The following HOXB7 variants were observed in gnomAD, a reference collection of about 807,000 sequenced individuals.
HOXB7 encodes homeobox protein Hox-B7.
Under a neutral mutation model 19.2 loss-of-function variants are expected in HOXB7, and 11 were observed. That is an observed-to-expected ratio of 0.57 (90% CI 0.36 to 0.95). The LOEUF is 0.95. Ranked by LOEUF, HOXB7 falls within the 40% of genes least tolerant of loss-of-function variation. The pLI is 0.01. For synonymous variants in HOXB7, 141 were observed against 130.2 expected (o/e 1.08, Z -0.56); for missense variants, 318 against 301.1 (o/e 1.06, Z -0.42).
Position 48,610,727 on chromosome 17 carries a change from G to T in HOXB7, c.192C>A (p.Gly64=). 6.3e-7 allele frequency: 1 copy of T among 1,588,256 alleles called. No homozygotes were observed. Among genetic ancestry groups the T allele is most frequent in the Non-Finnish European group, 8.6e-7 (1 of 1,166,022 alleles). ...SMQGLYPGGG[G]MAGQSAAGVY... is the part of the protein sequence containing the mutation. ...CGCCGGCCGCGCTCTGGCCCGCCAT[G>T]CCCCCCCCGCCGGGGTACAAGCCCT... Residue 64 remains glycine, a synonymous_variant, in exon 1 of 2, where the codon GGC becomes GGA. Transcript: ENST00000239165.
chr17:48,610,330 G>A (rs550042512), intron 1 of HOXB7, among the ~76,000 whole-genome samples, 189 bp downstream of exon 1: 2 of 151,938 alleles, frequency 1.3e-5, no homozygotes, highest in East Asian at 2.0e-4. Context: ...GCGAGCCTGA[G>A]AGCACCGAGC....
chr17:48,607,703 G>GTTTTTTTTTTTTTTTTTTTTTTTTT lies in HOXB7; in HGVS notation c.*138_*139insAAAAAAAAAAAAAAAAAAAAAAAAA. 1.6e-6 allele frequency: 1 copy of GTTTTTTTTTTTTTTTTTTTTTTTTT among 627,438 alleles called. No individual in the cohort carries two copies. The allele number at this position is 627,438 out of a possible 1,614,324, so 38.9% of individuals were successfully genotyped here. On this transcript the variant is annotated 3_prime_UTR_variant, in exon 2 of 2. Coordinates refer to ENST00000239165, the MANE Select transcript of HOXB7 (RefSeq NM_004502.4). ...TTTAAACTCCTTTCATTTAAATAGG[G>GTTTTTTTTTTTTTTTTTTTTTTTTT]TTTTTTTTTTGTTTTTTTTGTTTTT... is the stretch of plus-strand genomic sequence containing the variant.
In HOXB7 at chr17:48,608,087, G is replaced by A. The variant is rs200174441; in HGVS notation, c.409C>T (p.Arg137Cys). The change falls in exon 2 of 2, where the codon CGC becomes TGC. Residue 137 changes from arginine to cysteine, a missense_variant. Arg to Cys is a radical substitution (Grantham distance 180, BLOSUM62 -3). Transcript: ENST00000239165. ...GTGTAGGTCTGGCGGCCTCGTTTGCGGTCAGTTCCTGCACACAGTATTCAG... is the reference window on the plus strand; with the variant it reads ...GTGTAGGTCTGGCGGCCTCGTTTGCAGTCAGTTCCTGCACACAGTATTCAG... ...YPWMRSSGTD[R>C]KRGRQTYTRY... 1.9e-6 allele frequency: 3 copies of A among 1,612,506 alleles called. No homozygotes were observed. Among genetic ancestry groups the A allele is most frequent in the East Asian group, 2.2e-5 (1 of 44,776 alleles).
chr17:48,609,736 T>C (rs1253481778), intron 1 of HOXB7, among the ~76,000 whole-genome samples: 2 of 152,094 alleles, frequency 1.3e-5, no homozygotes, highest in Non-Finnish European at 2.9e-5. Flanking sequence ...ACCTCCAAAC[T>C]TGGCCAGTTC....
At position 48,607,893 on chromosome 17, in the gene HOXB7, CG is replaced by C. The variant is rs1567978870; in HGVS notation, c.602del (p.Pro201ArgfsTer41). On this transcript the variant is annotated frameshift_variant, in exon 2 of 2. Transcript: ENST00000239165. LOFTEE classifies it high-confidence loss of function. Reference protein sequence around the residue: ...KWKKENKTAGPGTTGQDRAEA... With the variant: ...KWKKENKTAGXGTTGQDRAEA... The stretch of plus-strand genomic sequence containing the variant: ...CAGCCCTGTCTTGGCCGGTGGTCCC[CG>C]GGCCCGCGGTCTTGTTCTCCTTTTT... 13 of 1,614,094 alleles carry C rather than the reference CG, an allele frequency of 8.1e-6. No individual in the cohort carries two copies. Among genetic ancestry groups the C allele is most frequent in the Non-Finnish European group, 1.1e-5 (13 of 1,180,018 alleles).
chr17:48,610,150 T>G (rs2070628541), intron 1 of HOXB7, among the ~76,000 whole-genome samples: 1 of 152,160 alleles, frequency 6.6e-6, no homozygotes, highest in South Asian at 2.1e-4. Context: ...CCCTAATGGC[T>G]ATTCTCTGCA....
Position 48,607,719 on chromosome 17 carries a change from T to TG in HOXB7, c.*122_*123insC. 1.3e-6 allele frequency: 1 copy of TG among 747,842 alleles called. No individual in the cohort carries two copies. Among genetic ancestry groups the TG allele is most frequent in the Non-Finnish European group, 2.0e-6 (1 of 503,900 alleles). 46.3% of individuals were successfully genotyped at this position (747,842 alleles called of 1,614,324 possible). On this transcript the variant is annotated 3_prime_UTR_variant, in exon 2 of 2. Coordinates refer to ENST00000239165, the MANE Select transcript of HOXB7 (RefSeq NM_004502.4). Reference sequence around the variant, plus strand: ...TTAAATAGGGTTTTTTTTTTGTTTTTTTTGTTTTTTGTTTTGTTTTTTTAC... The same window carrying TG: ...TTAAATAGGGTTTTTTTTTTGTTTTTGTTTGTTTTTTGTTTTGTTTTTTTAC...
rs762166968 is a variant in HOXB7 at position 48,610,695 on chromosome 17, G to C, written c.224C>G (p.Ala75Gly). 1 of 1,576,584 alleles carries C rather than the reference G, an allele frequency of 6.3e-7. No individual in the cohort carries two copies. The highest frequency in any genetic ancestry group is 1.1e-5 in the South Asian group (1 of 88,022). The change falls in exon 1 of 2, where the codon GCG (alanine) becomes GGG (glycine). Residue 75 changes from alanine (A) to glycine (G), a missense_variant. Coordinates refer to ENST00000239165, the MANE Select transcript of HOXB7 (RefSeq NM_004502.4). The stretch of plus-strand genomic sequence containing the variant: ...ACTCGGCTCGAGCCCATAGCCGGCC[G>C]CGTAGACGCCGGCCGCGCTCTGGCC... ...MAGQSAAGVY[A>G]AGYGLEPSSF...
rs1477747847 is a variant in HOXB7, at chr17:48,610,689, C to G, written c.230G>C (p.Gly77Ala). The G allele has an allele frequency of 6.4e-7, 1 of 1,574,100 alleles. No individual in the cohort carries two copies. Among genetic ancestry groups the G allele is most frequent in the Admixed American group, 1.9e-5 (1 of 53,572 alleles). ...GQSAAGVYAA[G>A]YGLEPSSFNM... ...GAAGGAACTCGGCTCGAGCCCATAG[C>G]CGGCCGCGTAGACGCCGGCCGCGCT... Residue 77 changes from glycine (G) to alanine (A), a missense_variant, in exon 1 of 2, where the codon GGC (glycine) becomes GCC (alanine). Coordinates refer to ENST00000239165, the MANE Select transcript of HOXB7 (RefSeq NM_004502.4).
In HOXB7 at chr17:48,610,733, C is replaced by G. The variant is rs755022414; in HGVS notation, c.186G>C (p.Gly62=). The G allele has an allele frequency of 3.4e-5, 55 of 1,600,138 alleles. No homozygotes were observed. The highest frequency in any genetic ancestry group is 8.6e-5 in the Admixed American group (5 of 58,272). The change falls in exon 1 of 2, where the codon GGG becomes GGC. Residue 62 remains glycine (G), a synonymous_variant. Transcript: ENST00000239165. Reference sequence around the variant, plus strand: ...CCGCGCTCTGGCCCGCCATGCCCCCCCCGCCGGGGTACAAGCCCTGCATCG... The same window carrying G: ...CCGCGCTCTGGCCCGCCATGCCCCCGCCGCCGGGGTACAAGCCCTGCATCG... The part of the protein sequence containing the change: ...AASMQGLYPG[G]GGMAGQSAAG...
At position 48,607,758 on chromosome 17, in the gene HOXB7, T is replaced by C; in HGVS notation, c.*84A>G. 1.9e-6 allele frequency: 2 copies of C among 1,068,808 alleles called. No individual in the cohort carries two copies. The highest frequency in any genetic ancestry group is 3.8e-5 in the South Asian group (2 of 52,450). 66.2% of individuals were successfully genotyped at this position (1,068,808 alleles called of 1,614,324 possible). On this transcript the variant is annotated 3_prime_UTR_variant, in exon 2 of 2. Transcript: ENST00000239165. The stretch of plus-strand genomic sequence containing the variant: ...TTGTTTTTTTACTTCCCTATTCGAT[T>C]TGAGTTTCCTGATTCAGTTCCCAGA...
chr17:48,610,870 A>G lies in HOXB7; in HGVS notation c.49T>C (p.Ser17Pro). 6.5e-7 allele frequency: 1 copy of G among 1,531,164 alleles called. No homozygotes were observed. Among genetic ancestry groups the G allele is most frequent in the East Asian group, 2.3e-5 (1 of 43,762 alleles). The allele number at this position is 1,531,164 out of a possible 1,614,324, so 94.8% of individuals were successfully genotyped here. A position where few individuals can be genotyped will look rare whatever the true frequency, so the allele number is the denominator to read the frequency against. ...ANTLFSKYPA[S>P]SSVFATGAFP... Reference sequence around the variant, plus strand: ...GCTCCGGTAGCGAAAACCGAACTTGAGGCTGGATATTTAGAAAATAAAGTA... The same window carrying G: ...GCTCCGGTAGCGAAAACCGAACTTGGGGCTGGATATTTAGAAAATAAAGTA... Residue 17 changes from serine to proline, a missense_variant, in exon 1 of 2, where the codon TCA (serine) becomes CCA (proline). Physicochemically the swap from Ser to Pro is moderately conservative, Grantham distance 74. Transcript: ENST00000239165.
At chr17:48,608,129 A>T in intron 1 of HOXB7, 34 bp from the exon 2 acceptor site, 1 of 1,595,576 alleles carries the variant, frequency 6.3e-7, no homozygotes, top group South Asian at 1.1e-5. Flanking sequence ...ATCAGTGAGT[A>T]AAGAAAACGC....
Position 48,607,501 on chromosome 17 carries a change from G to T in HOXB7, c.*341C>A, listed in dbSNP as rs1368657887. On this transcript the variant is annotated 3_prime_UTR_variant, in exon 2 of 2. Coordinates refer to ENST00000239165, the MANE Select transcript of HOXB7 (RefSeq NM_004502.4). ...TTACAAAACTGCAAGATTTTACAAA[G>T]ACCTTACAATAGCAACATAGAAAAG... The T allele has an allele frequency of 1.3e-5, 3 of 231,470 alleles. No individual in the cohort carries two copies. Among genetic ancestry groups the T allele is most frequent in the Non-Finnish European group, 8.4e-6 (1 of 119,228 alleles). The allele number at this position is 231,470 out of a possible 1,614,324, so 14.3% of individuals were successfully genotyped here.
intron 1 of HOXB7, 67 bp downstream of exon 1, chr17:48,610,452 A>C: frequency 1.5e-6 from 2 of 1,342,898 alleles, no homozygotes; most frequent in African/African-American, 1.5e-5. Context: ...CCAGCCGGGA[A>C]GGAGGCGCCT....
Position 48,610,999 on chromosome 17 carries a change from C to G in HOXB7, c.-81G>C. The G allele has an allele frequency of 8.1e-7, 1 of 1,234,698 alleles. No homozygotes were observed. The highest frequency in any genetic ancestry group is 1.1e-6 in the Non-Finnish European group (1 of 928,062). 76.5% of individuals were successfully genotyped at this position (1,234,698 alleles called of 1,614,324 possible). Reference sequence around the variant, plus strand: ...CCTTGATATATTACAGAATTAGAGTCCAGATTTACACCAAAAAGGACCCCC... The same window carrying G: ...CCTTGATATATTACAGAATTAGAGTGCAGATTTACACCAAAAAGGACCCCC... On this transcript the variant is annotated 5_prime_UTR_variant, in exon 1 of 2. Transcript: ENST00000239165.
chr17:48,610,425 G>A, intron 1 of HOXB7, 94 bp downstream of exon 1: 13 of 1,284,540 alleles, frequency 1.0e-5, no homozygotes, highest in Non-Finnish European at 1.3e-5. Flanking sequence ...GAGCACTCTG[G>A]ACGCGGAAAG....
intron 1 of HOXB7, among the ~76,000 whole-genome samples, chr17:48,609,867 G>C (rs2070625255): frequency 6.6e-6 from 1 of 152,150 alleles, no homozygotes; most frequent in South Asian, 2.1e-4. Context: ...CTGGGATCAG[G>C]AGGATCATCT....
chr17:48,607,671 A>T lies in HOXB7; in HGVS notation c.*171T>A. ...AATTTCTCCTTTCTCCCTCCTTAAA[A>T]AATGTTTTTAAACTCCTTTCATTTA... On this transcript the variant is annotated 3_prime_UTR_variant, in exon 2 of 2. Coordinates refer to ENST00000239165, the MANE Select transcript of HOXB7 (RefSeq NM_004502.4). The T allele has an allele frequency of 1.6e-6, 1 of 608,876 alleles. No individual in the cohort carries two copies. Among genetic ancestry groups the T allele is most frequent in the Non-Finnish European group, 2.6e-6 (1 of 377,950 alleles). The allele number at this position is 608,876 out of a possible 1,614,324, so 37.7% of individuals were successfully genotyped here.
Sources: gnomAD v4.1 joint callset for allele counts (sites outside exome capture counted in the v4.1 genomes callset) on GRCh38, gnomAD v4.1.1 for gene constraint, MANE v1.5 for transcripts, NCBI Gene and HGNC (gene_info 2026-07-23, HGNC 2026-07-21) for gene names.